Variants in CWF19L2 observed in about 807,000 individuals in gnomAD.
The protein encoded by CWF19L2 is CWF19 like cell cycle control factor 2.
A neutral mutation model predicts 111.7 loss-of-function variants in CWF19L2; 98 were observed. That is an observed-to-expected ratio of 0.88 (90% CI 0.75 to 1.04). The LOEUF (loss-of-function observed/expected upper bound fraction) is 1.04. Among genes scored for constraint, CWF19L2 ranks in the 50% least tolerant of loss-of-function variants. CWF19L2 has a pLI of 0.00. For missense variants in CWF19L2, 1,101 were observed against 1,051.4 expected, an observed-to-expected ratio of 1.05 and a Z score of -0.65; for synonymous variants, 351 against 342.9, an observed-to-expected ratio of 1.02 and a Z score of -0.26.
In CWF19L2 at chr11:107,430,879, A is replaced by C. The variant is rs560213398; in HGVS notation, c.781-1428T>G. Among the ~76,000 whole-genome samples, 13 of 148,398 alleles carry C rather than the reference A, an allele frequency of 8.8e-5. No homozygotes were observed. In the South Asian group the frequency reaches 2.5e-3, roughly 29 times the overall value. The stretch of plus-strand genomic sequence containing the variant: ...GTAGATTTTAGGTATTTTTACCACA[A>C]AAAAAAAAGGAGAATAACTACGTAA... On this transcript the variant is annotated intron_variant, in intron 7 of 17. Coordinates refer to ENST00000282251, the MANE Select transcript of CWF19L2 (RefSeq NM_152434.3).
At chr11:107,339,048 C>T (rs1335639135) in intron 14 of CWF19L2, among the ~76,000 whole-genome samples, 1 of 152,150 alleles carries the variant, frequency 6.6e-6, no homozygotes, top group East Asian at 1.9e-4. Context: ...ATAAGCGTTC[C>T]TTTTTCTCTA....
At chr11:107,330,966 T>C (rs1373261605) in intron 16 of CWF19L2, among the ~76,000 whole-genome samples, 1 of 152,188 alleles carries the variant, frequency 6.6e-6, no homozygotes, top group African/African-American at 2.4e-5. Flanking sequence ...CAGTATGATA[T>C]AGTGGAGAGT....
chr11:107,426,818 C>T (rs1255778665), intron 8 of CWF19L2, among the ~76,000 whole-genome samples: 2 of 151,460 alleles, frequency 1.3e-5, no homozygotes, highest in African/African-American at 4.8e-5. Context: ...ATATATATTA[C>T]ACATTTTCAA....
chr11:107,341,097 A>G (rs936258260), intron 14 of CWF19L2, among the ~76,000 whole-genome samples: 7 of 152,160 alleles, frequency 4.6e-5, no homozygotes, highest in South Asian at 2.1e-4. Context: ...TCAGTTCTCA[A>G]TGTAAACAAG....
chr11:107,374,361 A>G (rs1437766581), intron 12 of CWF19L2, among the ~76,000 whole-genome samples: 2 of 133,504 alleles, frequency 1.5e-5, no homozygotes, highest in East Asian at 4.3e-4. Flanking sequence ...TGTTAAGGGC[A>G]GCCAGAGAGA....
At chr11:107,335,420 C>T (rs1426784240) in intron 15 of CWF19L2, among the ~76,000 whole-genome samples, 2 of 151,582 alleles carry the variant, frequency 1.3e-5, no homozygotes, top group Non-Finnish European at 2.9e-5. Flanking sequence ...AGTAAAAATA[C>T]AGGAAAAAAA....
chr11:107,396,768 C>T (rs1208189966), intron 10 of CWF19L2, among the ~76,000 whole-genome samples: 2 of 152,078 alleles, frequency 1.3e-5, no homozygotes, highest in African/African-American at 2.4e-5. Flanking sequence ...CCAGCAATCC[C>T]GAGAGGACCC....
chr11:107,441,199 A>C (rs75070414), intron 5 of CWF19L2, among the ~76,000 whole-genome samples: 2,004 of 152,282 alleles, frequency 0.013, 50 homozygotes, highest in African/African-American at 0.044. Context: ...CATGGTGTCT[A>C]ATTCAGTATG....
chr11:107,420,117 G>A (rs1034833344), intron 8 of CWF19L2, among the ~76,000 whole-genome samples: 35 of 151,854 alleles, frequency 2.3e-4, no homozygotes, highest in African/African-American at 8.0e-4. Context: ...AGGACAAAGT[G>A]AAAAAAGAAC....
chr11:107,390,275 A>G (rs2134594259), intron 11 of CWF19L2, 64 bp from the exon 12 acceptor site: 2 of 1,247,348 alleles, frequency 1.6e-6, no homozygotes, highest in Non-Finnish European at 2.2e-6. Context: ...TTCTTGATGG[A>G]TTACATAAAT....
intron 12 of CWF19L2, among the ~76,000 whole-genome samples, chr11:107,382,904 G>T (rs528634349): frequency 6.6e-6 from 1 of 152,164 alleles, no homozygotes; most frequent in Non-Finnish European, 1.5e-5. Context: ...TGCAATGGGG[G>T]AAGGAATACT....
chr11:107,336,796 A>C (rs1180173753), intron 14 of CWF19L2, 83 bp from the exon 15 acceptor site: 2 of 761,194 alleles, frequency 2.6e-6, no homozygotes, highest in African/African-American at 3.7e-5. Context: ...GAAATATGAA[A>C]ACTTTAATAA....
At chr11:107,412,026 G>A (rs1330216301) in intron 10 of CWF19L2, among the ~76,000 whole-genome samples, 1 of 152,064 alleles carries the variant, frequency 6.6e-6, no homozygotes, top group Admixed American at 6.6e-5. Context: ...TGTCTGAAAT[G>A]AACAGCATTT....
intron 17 of CWF19L2, among the ~76,000 whole-genome samples, chr11:107,328,138 C>CAAA (rs10578324): frequency 3.4e-5 from 4 of 118,422 alleles, no homozygotes; most frequent in Non-Finnish European, 3.5e-5. Flanking sequence ...TGTGGAGACT[C>CAAA]AAAAAAAAAA....
At chr11:107,403,626 T>C in intron 10 of CWF19L2, 1 of 777,922 alleles carries the variant, frequency 1.3e-6, no homozygotes, top group Admixed American at 1.7e-5. Context: ...ATTGGAATGT[T>C]CTCCTCGTCT....
chr11:107,443,558 T>G (rs1861661984), intron 3 of CWF19L2, among the ~76,000 whole-genome samples: 1 of 152,080 alleles, frequency 6.6e-6, no homozygotes, highest in African/African-American at 2.4e-5. Context: ...CCAAATTATT[T>G]TTATTTTCTC....
chr11:107,332,039 G>C (rs1469612172), intron 16 of CWF19L2, among the ~76,000 whole-genome samples: 1 of 152,156 alleles, frequency 6.6e-6, no homozygotes, highest in Non-Finnish European at 1.5e-5. Flanking sequence ...ATTTATGGTA[G>C]AAAAATAGAC....
intron 12 of CWF19L2, among the ~76,000 whole-genome samples, chr11:107,354,781 G>A (rs1404136803): frequency 6.6e-6 from 1 of 152,206 alleles, no homozygotes; most frequent in Non-Finnish European, 1.5e-5. Flanking sequence ...GCACATGACT[G>A]CAGTTATTCT....
At chr11:107,404,033 TA>T (rs1565270397) in intron 10 of CWF19L2, 9 of 772,200 alleles carry the variant, frequency 1.2e-5, no homozygotes, top group Non-Finnish European at 2.2e-5. Context: ...ATGGTTTCAC[TA>T]AAAACCCATC....
Sources: gnomAD v4.1 joint callset for allele counts (sites outside exome capture counted in the v4.1 genomes callset) on GRCh38, gnomAD v4.1.1 for gene constraint, MANE v1.5 for transcripts, NCBI Gene and HGNC (gene_info 2026-07-23, HGNC 2026-07-21) for gene names.